The following RARB variants were observed in gnomAD, a reference collection of about 807,000 sequenced individuals.
RARB encodes retinoic acid receptor beta, also known as HBV-activated protein.
RARB carries 17 observed loss-of-function variants against 51.9 expected under a neutral mutation model. That is an observed-to-expected ratio of 0.33 (90% CI 0.22 to 0.49). The LOEUF (loss-of-function observed/expected upper bound fraction) is 0.49, where lower values mean the gene tolerates loss of function less well. RARB is among the 20% of genes least tolerant of loss of function. The pLI is 0.99. For synonymous variants in RARB, 215 were observed against 195.4 expected (o/e 1.10, Z -0.84); for missense variants, 369 against 550.8 (o/e 0.67, Z 3.30).
intron 5 of RARB, among the ~76,000 whole-genome samples, chr3:25,308,283 C>G (rs560941606): frequency 2.0e-5 from 3 of 152,174 alleles, no homozygotes; most frequent in Non-Finnish European, 4.4e-5. Context: ...CTGTTAGGAA[C>G]TCTTCCTGGT....
intron 3 of RARB, among the ~76,000 whole-genome samples, chr3:25,061,909 A>G (rs1309188129): frequency 6.6e-6 from 1 of 151,824 alleles, no homozygotes; most frequent in Non-Finnish European, 1.5e-5. Flanking sequence ...ACATTTTGGC[A>G]CTGGCATAAG....
At chr3:24,952,811 A>T (rs116500783) in intron 2 of RARB, among the ~76,000 whole-genome samples, 1 of 151,942 alleles carries the variant, frequency 6.6e-6, no homozygotes, top group Non-Finnish European at 1.5e-5. Context: ...TAAATTGTCT[A>T]TGTAACTCAT....
intron 1 of RARB, among the ~76,000 whole-genome samples, chr3:24,846,849 C>T (rs1053387373): frequency 1.3e-5 from 2 of 150,474 alleles, no homozygotes; most frequent in African/African-American, 4.9e-5. Flanking sequence ...TGAACTTCCA[C>T]CTATTCTATG....
In RARB at chr3:24,913,002, A is replaced by G. The variant is rs1467479173; in HGVS notation, c.-380+54250A>G. 1.6e-4 allele frequency among the ~76,000 whole-genome samples: 4 copies of G among 25,222 alleles called. No homozygotes were observed. In the East Asian group the frequency reaches 3.5e-3, roughly 22 times the overall value. The allele number at this position is 25,222 out of a possible 152,430, so 16.5% of individuals were successfully genotyped here. ...TTTTTTTTTTTTTTTTTTTTTGGAGACAGAGTCTCGCTCTGTCGCTCAGGC... is the reference window on the plus strand; with the variant it reads ...TTTTTTTTTTTTTTTTTTTTTGGAGGCAGAGTCTCGCTCTGTCGCTCAGGC... On this transcript the variant is annotated intron_variant, in intron 2 of 11. Coordinates refer to the RARB transcript ENST00000383772.
intron 4 of RARB, among the ~76,000 whole-genome samples, chr3:25,168,116 T>A (rs994502899): frequency 1.3e-5 from 2 of 152,196 alleles, no homozygotes; most frequent in Admixed American, 6.5e-5. Context: ...AAATGAGAAA[T>A]ACATCTAATG....
At chr3:25,146,050 A>AT (rs1232157233) in intron 4 of RARB, among the ~76,000 whole-genome samples, 1 of 152,088 alleles carries the variant, frequency 6.6e-6, no homozygotes, top group Admixed American at 6.6e-5. Context: ...TCAAACATGT[A>AT]TGTGAGTCCT....
intron 5 of RARB, among the ~76,000 whole-genome samples, chr3:25,407,975 G>T (rs144186638): frequency 6.6e-6 from 1 of 152,222 alleles, no homozygotes; most frequent in African/African-American, 2.4e-5. Flanking sequence ...CAGCGGTAAC[G>T]TCTCAATAAC....
chr3:25,035,961 A>C (rs1042423199), intron 2 of RARB, among the ~76,000 whole-genome samples: 1 of 152,214 alleles, frequency 6.6e-6, no homozygotes. Flanking sequence ...ATGTTGTGAC[A>C]TGGTCCTTCA....
intron 5 of RARB, among the ~76,000 whole-genome samples, chr3:25,317,527 C>A (rs890933829): frequency 6.6e-6 from 1 of 151,952 alleles, no homozygotes; most frequent in African/African-American, 2.4e-5. Flanking sequence ...TTGAGATCGC[C>A]GAGTGAGCTA....
intron 3 of RARB, among the ~76,000 whole-genome samples, chr3:25,507,120 A>G (rs937946731): frequency 8.5e-5 from 13 of 152,226 alleles, no homozygotes; most frequent in African/African-American, 2.9e-4. Context: ...ATTATATTAT[A>G]CAGATAGTAT....
At chr3:25,442,355 C>T (rs898455292) in intron 1 of RARB, among the ~76,000 whole-genome samples, 2 of 152,042 alleles carry the variant, frequency 1.3e-5, no homozygotes, top group Non-Finnish European at 2.9e-5. Context: ...AGGCTGGTCT[C>T]GAACTCCTGA....
intron 5 of RARB, among the ~76,000 whole-genome samples, chr3:25,286,882 C>T (rs956750276): frequency 6.6e-5 from 10 of 152,136 alleles, no homozygotes; most frequent in Admixed American, 6.5e-4. Context: ...TTAAATAAAC[C>T]TGTACTTTTA....
chr3:25,338,259 T>TC (rs1203170835), intron 5 of RARB, among the ~76,000 whole-genome samples: 1 of 152,144 alleles, frequency 6.6e-6, no homozygotes, highest in African/African-American at 2.4e-5. Flanking sequence ...GCAGCAGGCA[T>TC]CCCATGGGAG....
intron 5 of RARB, among the ~76,000 whole-genome samples, chr3:25,310,129 A>G (rs1575302092): frequency 6.6e-6 from 1 of 152,176 alleles, no homozygotes; most frequent in Non-Finnish European, 1.5e-5. Context: ...ATTTGTCTGC[A>G]AATTTGAAAC....
chr3:25,122,766 T>TG (rs1230845716), intron 3 of RARB, among the ~76,000 whole-genome samples: 1 of 152,144 alleles, frequency 6.6e-6, no homozygotes, highest in Non-Finnish European at 1.5e-5. Context: ...TGGATTTTGG[T>TG]GGACATCTCA....
chr3:24,922,904 T>A (rs114721159), intron 2 of RARB, among the ~76,000 whole-genome samples: 4 of 152,116 alleles, frequency 2.6e-5, no homozygotes, highest in Non-Finnish European at 5.9e-5. Flanking sequence ...GATAATAAAA[T>A]CTTGGGACAG....
At chr3:25,045,789 A>G (rs1028798212) in intron 2 of RARB, among the ~76,000 whole-genome samples, 1 of 152,246 alleles carries the variant, frequency 6.6e-6, no homozygotes, top group African/African-American at 2.4e-5. Flanking sequence ...AGAACTTCTT[A>G]AGGTTTAATA....
intron 2 of RARB, among the ~76,000 whole-genome samples, chr3:24,869,263 C>A (rs969166076): frequency 1.3e-5 from 2 of 152,088 alleles, no homozygotes; most frequent in African/African-American, 2.4e-5. Flanking sequence ...GTTTACAAAT[C>A]TGGTCAACTT....
chr3:25,206,151 G>A (rs771369395), intron 5 of RARB, among the ~76,000 whole-genome samples: 16 of 152,128 alleles, frequency 1.1e-4, no homozygotes, highest in Admixed American at 2.6e-4. Flanking sequence ...TGATAATATG[G>A]CTAAATGTTT....
Sources: allele counts gnomAD v4.1 joint callset (sites outside exome capture counted in the v4.1 genomes callset), GRCh38; gene constraint gnomAD v4.1.1; transcripts MANE v1.5; gene names NCBI Gene and HGNC (gene_info 2026-07-23, HGNC 2026-07-21).